The following PAPOLG variants were observed in gnomAD, a reference collection of about 807,000 sequenced individuals.
PAPOLG encodes the protein poly(A) polymerase gamma, also known as PAP-gamma.
PAPOLG carries 40 observed loss-of-function variants against 99.0 expected under a neutral mutation model. That is an observed-to-expected ratio of 0.40 (90% CI 0.31 to 0.53). The LOEUF (loss-of-function observed/expected upper bound fraction) is 0.53. Among genes scored for constraint, PAPOLG ranks in the 20% least tolerant of loss-of-function variants. The pLI is 0.41. For synonymous variants in PAPOLG, 310 were observed against 299.3 expected, an observed-to-expected ratio of 1.04 and a Z score of -0.37; for missense variants, 675 against 884.1, an observed-to-expected ratio of 0.76 and a Z score of 3.00.
At position 60,779,628 on chromosome 2, in the gene PAPOLG, A is replaced by AT. The variant is rs2103796380; in HGVS notation, c.695-5dup. ...CTAATAATAATTAACAAATATATTG[A>AT]TTTTCTAGGACGTGGTATTTATTCC... On this transcript the variant is annotated splice_polypyrimidine_tract_variant and intron_variant, in intron 8 of 21. Transcript: ENST00000238714. 1 of 1,600,080 alleles carries AT rather than the reference A, an allele frequency of 6.2e-7. No homozygotes were observed. Among genetic ancestry groups the AT allele is most frequent in the Non-Finnish European group, 8.5e-7 (1 of 1,171,816 alleles).
At chr2:60,764,829 C>G (rs938109870) in intron 3 of PAPOLG, among the ~76,000 whole-genome samples, 24 of 152,196 alleles carry the variant, frequency 1.6e-4, no homozygotes, top group Admixed American at 1.6e-3. Context: ...GTTGAGTCTC[C>G]TAAAGACTAC....
intron 21 of PAPOLG, among the ~76,000 whole-genome samples, chr2:60,796,757 TC>T (rs1671717619): frequency 6.6e-6 from 1 of 152,032 alleles, no homozygotes; most frequent in Non-Finnish European, 1.5e-5. Flanking sequence ...AGGACTGTGT[TC>T]TTTATGCATT....
In PAPOLG at chr2:60,797,526, G is replaced by T. The variant is rs918695132; in HGVS notation, c.*366G>T. 5 of 169,874 alleles carry T rather than the reference G, an allele frequency of 2.9e-5. No individual in the cohort carries two copies. Among genetic ancestry groups the T allele is most frequent in the Admixed American group, 6.2e-5 (1 of 16,010 alleles). 10.5% of individuals were successfully genotyped at this position (169,874 alleles called of 1,614,324 possible). A position where few individuals can be genotyped will look rare whatever the true frequency, so the allele number is the denominator to read the frequency against. ...ACTCCTTTTTTGTTTTGTTTTTTGT[G>T]TTTTTCTTTTTTTGTCTTATGTTGT... On this transcript the variant is annotated 3_prime_UTR_variant, in exon 22 of 22. Transcript: ENST00000238714.
chr2:60,771,376 A>G (rs574286685), intron 6 of PAPOLG, 143 bp from the exon 7 acceptor site: 2 of 824,384 alleles, frequency 2.4e-6, no homozygotes, highest in South Asian at 3.4e-5. Context: ...CCCATGTGAG[A>G]CTGCCTACAT....
intron 7 of PAPOLG, 123 bp from the exon 8 acceptor site, chr2:60,774,911 A>G (rs1670971213): frequency 6.8e-7 from 1 of 1,480,612 alleles, no homozygotes; most frequent in South Asian, 1.3e-5. Context: ...TACACATAAA[A>G]TAAGCCCCAA....
intron 3 of PAPOLG, among the ~76,000 whole-genome samples, chr2:60,766,293 G>C (rs1275004713): frequency 1.3e-5 from 2 of 152,188 alleles, no homozygotes; most frequent in African/African-American, 4.8e-5. Flanking sequence ...AAAAAAGCTT[G>C]TTAGGGAGTA....
Position 60,797,188 on chromosome 2 carries a change from A to C in PAPOLG, c.*28A>C. 6.2e-7 allele frequency: 1 copy of C among 1,611,912 alleles called. No homozygotes were observed. On this transcript the variant is annotated 3_prime_UTR_variant, in exon 22 of 22. Transcript: ENST00000238714. ...GCAGTGCCTCCTCACTTAAGTGAAC[A>C]AGCAATCATTTAGTGGCATAGATGC...
chr2:60,767,433 T>A (rs867634772), intron 3 of PAPOLG, among the ~76,000 whole-genome samples: 5 of 151,718 alleles, frequency 3.3e-5, no homozygotes, highest in South Asian at 4.2e-4. Flanking sequence ...GCCTCCTCAG[T>A]AGCTGAGACT....
intron 13 of PAPOLG, among the ~76,000 whole-genome samples, chr2:60,785,686 G>A (rs1179250716): frequency 7.3e-6 from 1 of 136,340 alleles, no homozygotes; most frequent in Non-Finnish European, 1.6e-5. Flanking sequence ...ACCATACCTG[G>A]CTGATTTTTT....
chr2:60,789,132 A>G lies in PAPOLG; in HGVS notation c.1396+1512A>G, dbSNP rs139930775. Among the ~76,000 whole-genome samples, 393 of 151,980 alleles carry G rather than the reference A, an allele frequency of 2.6e-3. 3 individuals carry two copies. Among genetic ancestry groups the G allele is most frequent in the African/African-American group, 9.1e-3 (378 of 41,458 alleles). On this transcript the variant is annotated intron_variant, in intron 15 of 21. Transcript: ENST00000238714. ...CATAGGTGGGAACTGAACAATGAGA[A>G]TACATGGACACAGGAAGGGGAACAT...
rs963391354 is a variant in PAPOLG at position 60,756,293 on chromosome 2, C to G, written c.-186C>G. The stretch of plus-strand genomic sequence containing the variant: ...ATTGGCGTCGGCCGCGCTGTATTGT[C>G]ATAAATAGAGCCGGTTTTGTGGTGT... On this transcript the variant is annotated 5_prime_UTR_variant, in exon 1 of 22. Coordinates refer to ENST00000238714, the MANE Select transcript of PAPOLG (RefSeq NM_022894.4). 19 of 718,928 alleles carry G rather than the reference C, an allele frequency of 2.6e-5. No individual in the cohort carries two copies. Among genetic ancestry groups the G allele is most frequent in the Non-Finnish European group, 4.6e-5 (19 of 410,356 alleles). The allele number at this position is 718,928 out of a possible 1,614,324, so 44.5% of individuals were successfully genotyped here.
At chr2:60,777,985 T>C (rs1671072477) in intron 8 of PAPOLG, among the ~76,000 whole-genome samples, 1 of 152,104 alleles carries the variant, frequency 6.6e-6, no homozygotes, top group Admixed American at 6.6e-5. Context: ...ATTACTAAAA[T>C]GTGACACAGA....
chr2:60,789,512 A>G, intron 15 of PAPOLG, among the ~76,000 whole-genome samples: 1 of 152,136 alleles, frequency 6.6e-6, no homozygotes, highest in Non-Finnish European at 1.5e-5. Context: ...CTGGGATTAC[A>G]GGTGTCAACC....
In PAPOLG at chr2:60,756,432, G is replaced by T. The variant is rs374735573; in HGVS notation, c.-47G>T. 1.2e-6 allele frequency: 2 copies of T among 1,610,800 alleles called. No individual in the cohort carries two copies. The highest frequency in any genetic ancestry group is 1.7e-6 in the Non-Finnish European group (2 of 1,178,530). The stretch of plus-strand genomic sequence containing the variant: ...GGGGAGAAGGGAACAGCAAGAACAG[G>T]ACTCCAGAGCGATAAACACTCGCTG... On this transcript the variant is annotated 5_prime_UTR_variant, in exon 1 of 22. Transcript: ENST00000238714.
chr2:60,795,092 G>GCT, intron 21 of PAPOLG, 72 bp downstream of exon 21: 2 of 1,315,184 alleles, frequency 1.5e-6, no homozygotes, highest in Non-Finnish European at 2.2e-6. Flanking sequence ...AGTACAAAAG[G>GCT]CTTATTAAGA....
At chr2:60,779,908 A>T in intron 9 of PAPOLG, 133 bp downstream of exon 9, 1 of 786,642 alleles carries the variant, frequency 1.3e-6, no homozygotes, top group Non-Finnish European at 1.9e-6. Flanking sequence ...AGTATAAAAC[A>T]TCAACTTTGA....
intron 7 of PAPOLG, among the ~76,000 whole-genome samples, chr2:60,774,480 C>G (rs1364267712): frequency 1.3e-5 from 2 of 152,042 alleles, no homozygotes; most frequent in African/African-American, 4.8e-5. Context: ...ATTCTCCTGC[C>G]TCAGCCCTTT....
chr2:60,773,966 G>A (rs1251983542), intron 7 of PAPOLG, among the ~76,000 whole-genome samples: 1 of 152,134 alleles, frequency 6.6e-6, no homozygotes, highest in South Asian at 2.1e-4. Flanking sequence ...CTTGAAAAAA[G>A]CAGGTAGTTG....
chr2:60,760,070 T>A lies in PAPOLG; in HGVS notation c.18-64T>A. On this transcript the variant is annotated intron_variant, in intron 1 of 21. Transcript: ENST00000238714. ...AATTAACATGAGTAGATTGAGAGAT[T>A]CAGTGTATCAGTATGGTATATACTT... 13 of 1,462,512 alleles carry A rather than the reference T, an allele frequency of 8.9e-6. 1 individual carries two copies. In the South Asian group the frequency reaches 1.6e-4, roughly 18 times the overall value. 90.6% of individuals were successfully genotyped at this position (1,462,512 alleles called of 1,614,324 possible).
Sources: gnomAD v4.1 joint callset for allele counts (sites outside exome capture counted in the v4.1 genomes callset) on GRCh38, gnomAD v4.1.1 for gene constraint, MANE v1.5 for transcripts, NCBI Gene and HGNC (gene_info 2026-07-23, HGNC 2026-07-21) for gene names.